Variants in RIMS2 observed in about 807,000 individuals in gnomAD.
The protein encoded by RIMS2 is regulating synaptic membrane exocytosis protein 2.
RIMS2 carries 59 observed loss-of-function variants against 174.4 expected under a neutral mutation model. The observed-to-expected ratio is 0.34, with a 90% CI of 0.27 to 0.42. The LOEUF is 0.42. Among genes scored for constraint, RIMS2 ranks in the 10% least tolerant of loss-of-function variants. RIMS2 has a pLI of 1.00. For missense variants in RIMS2, 1,620 were observed against 1,666.3 expected, an observed-to-expected ratio of 0.97 and a Z score of 0.48; for synonymous variants, 606 against 572.5, an observed-to-expected ratio of 1.06 and a Z score of -0.84.
chr8:103,652,504 G>A, intron 1 of RIMS2, 120 bp from the exon 3 acceptor site: 1 of 469,132 alleles, frequency 2.1e-6, no homozygotes, highest in South Asian at 1.8e-5. Flanking sequence ...GATAATTGGA[G>A]CTCACATTAC....
chr8:104,159,775 CA>C (rs2098749601), intron 19 of RIMS2, among the ~76,000 whole-genome samples: 1 of 152,032 alleles, frequency 6.6e-6, no homozygotes. Context: ...AATCAGGTTC[CA>C]GGGGGTTTTT....
intron 19 of RIMS2, among the ~76,000 whole-genome samples, chr8:104,024,896 T>C (rs750664917): frequency 3.9e-5 from 6 of 152,190 alleles, no homozygotes; most frequent in Admixed American, 6.5e-5. Context: ...ATTCCGCTAT[T>C]ACCTAATGGC....
At chr8:103,577,129 T>C (rs1412709310) in intron 1 of RIMS2, among the ~76,000 whole-genome samples, 1 of 152,020 alleles carries the variant, frequency 6.6e-6, no homozygotes. Flanking sequence ...ATCATCAGAG[T>C]GAACAGGCAA....
chr8:103,850,368 A>AAC (rs1420482192), intron 3 of RIMS2, among the ~76,000 whole-genome samples: 3 of 152,022 alleles, frequency 2.0e-5, no homozygotes, highest in Admixed American at 6.6e-5. Flanking sequence ...TATTGATAAT[A>AAC]AATTGTCAAA....
intron 3 of RIMS2, among the ~76,000 whole-genome samples, chr8:103,863,080 A>C (rs999425537): frequency 1.3e-5 from 2 of 152,102 alleles, no homozygotes; most frequent in Non-Finnish European, 2.9e-5. Flanking sequence ...TTCCCCATTC[A>C]CTATGATATT....
chr8:103,741,768 A>G (rs1220332241), intron 2 of RIMS2, among the ~76,000 whole-genome samples: 1 of 152,132 alleles, frequency 6.6e-6, no homozygotes, highest in African/African-American at 2.4e-5. Context: ...TTTTATAAGT[A>G]TCTTAGAACT....
chr8:104,134,909 CAG>C (rs1447199486), intron 19 of RIMS2, among the ~76,000 whole-genome samples: 8 of 152,120 alleles, frequency 5.3e-5, no homozygotes, highest in East Asian at 3.9e-4. Context: ...ATTGCTCTGA[CAG>C]GGGATCTTTT....
In RIMS2 at chr8:104,245,074, G is replaced by A. The variant is rs1416507155; in HGVS notation, c.3476+17G>A. ...AGAAGGAAAGTGAGTGAGGCTGCAT[G>A]TGATGTGTGTCTCCTCCGTGCCTCA... On this transcript the variant is annotated intron_variant, in intron 20 of 23. Coordinates refer to ENST00000504942, the Ensembl canonical transcript of RIMS2. 12 of 1,612,538 alleles carry A rather than the reference G, an allele frequency of 7.4e-6. No homozygotes were observed. Among genetic ancestry groups the A allele is most frequent in the Non-Finnish European group, 9.3e-6 (11 of 1,179,088 alleles).
intron 19 of RIMS2, among the ~76,000 whole-genome samples, chr8:104,228,310 G>A (rs568337222): frequency 1.3e-5 from 2 of 152,068 alleles, no homozygotes; most frequent in Admixed American, 6.5e-5. Context: ...TTACAGGCAT[G>A]AGCCACCGTG....
intron 1 of RIMS2, among the ~76,000 whole-genome samples, chr8:103,678,178 A>G (rs2096838565): frequency 6.6e-6 from 1 of 152,184 alleles, no homozygotes; most frequent in Non-Finnish European, 1.5e-5. Flanking sequence ...TACTGATGAC[A>G]AGAACAGGGT....
intron 4 of RIMS2, among the ~76,000 whole-genome samples, chr8:103,902,587 A>C (rs1255617804): frequency 6.6e-6 from 1 of 152,154 alleles, no homozygotes; most frequent in African/African-American, 2.4e-5. Flanking sequence ...CTTTGTGTTT[A>C]ATAGTTTACT....
chr8:104,125,140 A>G (rs958209799), intron 19 of RIMS2, among the ~76,000 whole-genome samples: 9 of 152,182 alleles, frequency 5.9e-5, no homozygotes, highest in African/African-American at 2.2e-4. Context: ...ATGTCTGCAT[A>G]CATATAAATC....
chr8:104,062,418 A>T (rs7459932), intron 19 of RIMS2, among the ~76,000 whole-genome samples: 20,964 of 152,176 alleles, frequency 0.14, 1,803 homozygotes, highest in Non-Finnish European at 0.19. Flanking sequence ...AAAAAATTTT[A>T]AAAAAATTCA....
chr8:104,006,253 TTAA>T (rs1189553972), intron 17 of RIMS2, among the ~76,000 whole-genome samples: 1 of 152,140 alleles, frequency 6.6e-6, no homozygotes, highest in Non-Finnish European at 1.5e-5. Context: ...TGAAATTGTC[TTAA>T]TAATACCTTC....
At chr8:103,573,694 G>C (rs1163914024) in intron 1 of RIMS2, among the ~76,000 whole-genome samples, 1 of 152,024 alleles carries the variant, frequency 6.6e-6, no homozygotes, top group Non-Finnish European at 1.5e-5. Flanking sequence ...TGGCTATTTA[G>C]GCTCTTTTTT....
intron 19 of RIMS2, among the ~76,000 whole-genome samples, chr8:104,201,284 A>T (rs1022537186): frequency 1.3e-5 from 2 of 152,188 alleles, no homozygotes; most frequent in African/African-American, 4.8e-5. Flanking sequence ...TTTTGTGGGA[A>T]ATTTTTAATT....
At chr8:104,197,423 C>A (rs2099030583) in intron 19 of RIMS2, among the ~76,000 whole-genome samples, 1 of 152,076 alleles carries the variant, frequency 6.6e-6, no homozygotes, top group African/African-American at 2.4e-5. Context: ...GTGATCCACT[C>A]GCCTGGGTCT....
At chr8:103,724,473 A>T (rs887584649) in intron 2 of RIMS2, among the ~76,000 whole-genome samples, 12 of 152,140 alleles carry the variant, frequency 7.9e-5, no homozygotes, top group Non-Finnish European at 1.3e-4. Flanking sequence ...TTTAGATGTA[A>T]AACCATTTAA....
chr8:104,178,205 G>T (rs2098916936), intron 19 of RIMS2, among the ~76,000 whole-genome samples: 1 of 152,094 alleles, frequency 6.6e-6, no homozygotes, highest in Non-Finnish European at 1.5e-5. Flanking sequence ...ATTCCTTTCT[G>T]GTGGCTCTAG....
Sources: allele counts gnomAD v4.1 joint callset (sites outside exome capture counted in the v4.1 genomes callset), GRCh38; gene constraint gnomAD v4.1.1; transcripts MANE v1.5; gene names NCBI Gene and HGNC (gene_info 2026-07-23, HGNC 2026-07-21).